Variants in FBXL17 observed in about 807,000 individuals in gnomAD.
The protein encoded by FBXL17 is F-box/LRR-repeat protein 17.
A neutral mutation model predicts 66.2 loss-of-function variants in FBXL17; 22 were observed. That is an observed-to-expected ratio of 0.33 (90% confidence interval 0.24 to 0.47). The LOEUF is 0.47. Ranked by LOEUF, FBXL17 falls within the 20% of genes least tolerant of loss-of-function variation. The probability of loss-of-function intolerance (pLI) is 1.00; values close to 1 mark genes in which losing one functional copy is unlikely to be tolerated. For synonymous variants in FBXL17, 474 were observed against 400.5 expected (o/e 1.18, Z -2.19); for missense variants, 878 against 948.2 (o/e 0.93, Z 0.97).
At chr5:108,293,275 A>C (rs538832837) in intron 4 of FBXL17, among the ~76,000 whole-genome samples, 1 of 152,274 alleles carries the variant, frequency 6.6e-6, no homozygotes, top group South Asian at 2.1e-4. Context: ...CTAATAAGTT[A>C]TTTTAGAAAA....
At chr5:108,225,595 C>A (rs1233143809) in intron 4 of FBXL17, among the ~76,000 whole-genome samples, 2 of 152,184 alleles carry the variant, frequency 1.3e-5, no homozygotes, top group Non-Finnish European at 2.9e-5. Context: ...GGAACAGATC[C>A]TTTCCTAGCA....
At chr5:108,043,815 T>A (rs1747141282) in intron 6 of FBXL17, among the ~76,000 whole-genome samples, 1 of 152,172 alleles carries the variant, frequency 6.6e-6, no homozygotes, top group African/African-American at 2.4e-5. Flanking sequence ...AAATTACATG[T>A]CTCCTATGTG....
intron 7 of FBXL17, among the ~76,000 whole-genome samples, chr5:107,934,683 T>C (rs575747891): frequency 8.5e-5 from 13 of 152,246 alleles, no homozygotes; most frequent in East Asian, 1.9e-4. Context: ...TAAGTCCTTA[T>C]TGGGGGCTGG....
At chr5:108,225,029 A>T (rs1234854570) in intron 4 of FBXL17, among the ~76,000 whole-genome samples, 1 of 152,136 alleles carries the variant, frequency 6.6e-6, no homozygotes, top group Non-Finnish European at 1.5e-5. Context: ...CATTACCGAT[A>T]TCTAATTCCA....
chr5:108,329,842 G>A (rs1030672706), intron 4 of FBXL17, among the ~76,000 whole-genome samples: 4 of 152,048 alleles, frequency 2.6e-5, no homozygotes, highest in Non-Finnish European at 5.9e-5. Flanking sequence ...GAGGTTAACA[G>A]TCCAGGCTCG....
At chr5:107,979,361 G>A (rs1181352065) in intron 7 of FBXL17, among the ~76,000 whole-genome samples, 3 of 152,124 alleles carry the variant, frequency 2.0e-5, no homozygotes, top group African/African-American at 7.2e-5. Flanking sequence ...TTTCCTTAAA[G>A]TTCCAGCATT....
At chr5:108,005,473 C>T (rs925865966) in intron 7 of FBXL17, among the ~76,000 whole-genome samples, 2 of 152,114 alleles carry the variant, frequency 1.3e-5, no homozygotes, top group Non-Finnish European at 2.9e-5. Flanking sequence ...CCCTCTAATA[C>T]ATATAGAATC....
chr5:107,883,613 C>A (rs749996601), intron 7 of FBXL17, among the ~76,000 whole-genome samples: 2 of 152,134 alleles, frequency 1.3e-5, no homozygotes, highest in Non-Finnish European at 2.9e-5. Context: ...AACTGATCAC[C>A]CTAGCATTTA....
chr5:108,307,066 T>G (rs1758876656), intron 4 of FBXL17, among the ~76,000 whole-genome samples: 1 of 152,102 alleles, frequency 6.6e-6, no homozygotes, highest in South Asian at 2.1e-4. Context: ...CAAGTACCCC[T>G]ATACCTCTCA....
chr5:107,954,115 T>G (rs974109517), intron 7 of FBXL17, among the ~76,000 whole-genome samples: 1 of 152,224 alleles, frequency 6.6e-6, no homozygotes, highest in African/African-American at 2.4e-5. Context: ...CTTGCAAATA[T>G]TTTTGATAGT....
intron 7 of FBXL17, among the ~76,000 whole-genome samples, chr5:107,926,614 C>G (rs1750533994): frequency 6.6e-6 from 1 of 151,282 alleles, no homozygotes; most frequent in African/African-American, 2.4e-5. Context: ...AGCTGGTTCT[C>G]AGGTCAAAAG....
intron 6 of FBXL17, among the ~76,000 whole-genome samples, chr5:108,056,917 G>A (rs1432111766): frequency 6.6e-6 from 1 of 152,172 alleles, no homozygotes; most frequent in Non-Finnish European, 1.5e-5. Flanking sequence ...CTTGGAAAGT[G>A]AACTATGAAT....
rs138387486 is a variant in FBXL17 at position 107,861,689 on chromosome 5, T to C, written c.*31A>G. 7.9e-6 allele frequency: 12 copies of C among 1,528,048 alleles called. No homozygotes were observed. Among genetic ancestry groups the C allele is most frequent in the East Asian group, 4.8e-5 (2 of 41,718 alleles). 94.7% of individuals were successfully genotyped at this position (1,528,048 alleles called of 1,614,324 possible). A position where few individuals can be genotyped will look rare whatever the true frequency, so the allele number is the denominator to read the frequency against. Reference sequence around the variant, plus strand: ...TACAATTCTCCTCTGCTCTGCTGAATGATCCCAGTGGACTAGGCGAGGCAG... The same window carrying C: ...TACAATTCTCCTCTGCTCTGCTGAACGATCCCAGTGGACTAGGCGAGGCAG... On this transcript the variant is annotated 3_prime_UTR_variant, in exon 9 of 9. Coordinates refer to ENST00000542267, the MANE Select transcript of FBXL17 (RefSeq NM_001163315.3).
At chr5:108,055,739 C>T (rs1747684318) in intron 6 of FBXL17, among the ~76,000 whole-genome samples, 1 of 150,818 alleles carries the variant, frequency 6.6e-6, no homozygotes, top group African/African-American at 2.4e-5. Flanking sequence ...ACTGGACATT[C>T]AGCCTTAAAA....
chr5:108,135,420 A>G (rs1751095652), intron 6 of FBXL17, among the ~76,000 whole-genome samples: 1 of 152,172 alleles, frequency 6.6e-6, no homozygotes, highest in Non-Finnish European at 1.5e-5. Flanking sequence ...TTATGCAAGC[A>G]TCTGGATCCT....
At chr5:107,931,545 T>C (rs1191571173) in intron 7 of FBXL17, among the ~76,000 whole-genome samples, 1 of 140,480 alleles carries the variant, frequency 7.1e-6, no homozygotes, top group Non-Finnish European at 1.6e-5. Context: ...ATTACAGGCA[T>C]GAGGCTGAGA....
At chr5:108,090,355 C>T (rs138959033) in intron 6 of FBXL17, among the ~76,000 whole-genome samples, 213 of 152,282 alleles carry the variant, frequency 1.4e-3, no homozygotes, top group Non-Finnish European at 2.6e-3. Flanking sequence ...GTGGACCTTC[C>T]TTAGCCTACC....
chr5:108,301,650 T>A (rs1426073801), intron 4 of FBXL17, among the ~76,000 whole-genome samples: 1 of 151,780 alleles, frequency 6.6e-6, no homozygotes, highest in Non-Finnish European at 1.5e-5. Flanking sequence ...TAACACTTAT[T>A]CTTGGATGGA....
At chr5:107,946,943 G>A (rs965616391) in intron 7 of FBXL17, among the ~76,000 whole-genome samples, 2 of 151,620 alleles carry the variant, frequency 1.3e-5, no homozygotes, top group African/African-American at 4.8e-5. Flanking sequence ...ATACCTTTTT[G>A]TTTTTTTGCA....
Sources: gnomAD v4.1 joint callset for allele counts (sites outside exome capture counted in the v4.1 genomes callset) on GRCh38, gnomAD v4.1.1 for gene constraint, MANE v1.5 for transcripts, NCBI Gene and HGNC (gene_info 2026-07-23, HGNC 2026-07-21) for gene names.